The following LAMA1 variants were observed in gnomAD, a reference collection of about 807,000 sequenced individuals.
LAMA1 encodes laminin subunit alpha-1.
In LAMA1, 219 loss-of-function variants were observed where a neutral mutation model predicts 348.7. The observed-to-expected ratio is 0.63, with a 90% CI of 0.56 to 0.70. The LOEUF is 0.70. Ranked by LOEUF, LAMA1 falls within the 30% of genes least tolerant of loss-of-function variation. The pLI, the probability that LAMA1 is intolerant of heterozygous loss-of-function variation, is 0.00. For missense variants in LAMA1, 3,744 were observed against 3,888.0 expected, an observed-to-expected ratio of 0.96 and a Z score of 0.99; for synonymous variants, 1,487 against 1,491.0, an observed-to-expected ratio of 1.00 and a Z score of 0.06.
chr18:7,094,945 G>A (rs2058254459), intron 1 of LAMA1, among the ~76,000 whole-genome samples: 1 of 152,058 alleles, frequency 6.6e-6, no homozygotes, highest in African/African-American at 2.4e-5. Context: ...AATTGAAGAA[G>A]TTCTAAATGA....
chr18:6,985,497 G>A lies in LAMA1; in HGVS notation c.5496+30C>T, dbSNP rs368214685. On this transcript the variant is annotated intron_variant, in intron 38 of 62. Transcript: ENST00000389658. Reference sequence around the variant, plus strand: ...GATGTGTGAAGATTCTTTAAAAACTGTACTGTGGCTGTGCTGAGATGTAAT... The same window carrying A: ...GATGTGTGAAGATTCTTTAAAAACTATACTGTGGCTGTGCTGAGATGTAAT... The A allele has an allele frequency of 9.3e-6, 15 of 1,608,512 alleles. No individual in the cohort carries two copies. The African/African-American group carries it at 1.9e-4, about 20-fold the overall frequency.
At chr18:7,088,360 T>C (rs2058225982) in intron 1 of LAMA1, among the ~76,000 whole-genome samples, 2 of 152,100 alleles carry the variant, frequency 1.3e-5, no homozygotes, top group Admixed American at 1.3e-4. Context: ...AATCTTTTAA[T>C]TGTCACGTAA....
chr18:7,114,984 G>A (rs1354259292), intron 1 of LAMA1, among the ~76,000 whole-genome samples: 2 of 152,100 alleles, frequency 1.3e-5, no homozygotes, highest in Non-Finnish European at 2.9e-5. Flanking sequence ...TACAGATGTA[G>A]GCTTCATATT....
rs2057720276 is a variant in LAMA1 at position 6,983,239 on chromosome 18, CA to C, written c.5661-6del. ...TTTCTGATGTTTTCAAGGCCACTAT[CA>C]AAGCAGCATATTTAGATACGTTATG... On this transcript the variant is annotated splice_polypyrimidine_tract_variant and splice_region_variant and intron_variant, in intron 39 of 62. Transcript: ENST00000389658. 2 of 1,614,132 alleles carry C rather than the reference CA, an allele frequency of 1.2e-6. No homozygotes were observed. The highest frequency in any genetic ancestry group is 8.5e-7 in the Non-Finnish European group (1 of 1,180,008).
At chr18:6,972,177 C>T (rs2057661406) in intron 47 of LAMA1, 196 bp from the exon 48 acceptor site, 1 of 582,142 alleles carries the variant, frequency 1.7e-6, no homozygotes, top group African/African-American at 1.9e-5. Context: ...GAATGAGTAA[C>T]AACTGGGCAG....
chr18:6,961,298 A>G (rs2057605928), intron 53 of LAMA1, among the ~76,000 whole-genome samples: 1 of 152,240 alleles, frequency 6.6e-6, no homozygotes, highest in South Asian at 2.1e-4. Context: ...CATGGGGAAG[A>G]AAACTCCGTA....
intron 53 of LAMA1, among the ~76,000 whole-genome samples, chr18:6,960,989 G>C (rs930469788): frequency 1.3e-5 from 2 of 152,216 alleles, no homozygotes; most frequent in Non-Finnish European, 2.9e-5. Context: ...ACTTGATTAA[G>C]ACAGTGTGCT....
chr18:7,015,622 C>A, intron 22 of LAMA1, 100 bp downstream of exon 22: 48 of 1,260,076 alleles, frequency 3.8e-5, no homozygotes, highest in Non-Finnish European at 5.2e-5. Context: ...CAAAGCTATT[C>A]AACAGATTAA....
At chr18:7,044,940 C>T in intron 6 of LAMA1, 101 bp from the exon 7 acceptor site, 2 of 873,828 alleles carry the variant, frequency 2.3e-6, no homozygotes, top group Non-Finnish European at 3.9e-6. Context: ...GTGGCAAGAA[C>T]CTCACAACAG....
chr18:7,039,494 C>A (rs1031536366), intron 10 of LAMA1, among the ~76,000 whole-genome samples: 1 of 152,134 alleles, frequency 6.6e-6, no homozygotes, highest in African/African-American at 2.4e-5. Flanking sequence ...AGCATATCTG[C>A]GTTTAATTGG....
At chr18:7,015,929 A>T in intron 21 of LAMA1, 71 bp from the exon 22 acceptor site, 1 of 1,579,976 alleles carries the variant, frequency 6.3e-7, no homozygotes, top group East Asian at 2.2e-5. Context: ...TGATGCTGTT[A>T]TTTCCCTTTT....
chr18:6,951,769 G>T (rs911514182), intron 57 of LAMA1, among the ~76,000 whole-genome samples: 1 of 152,208 alleles, frequency 6.6e-6, no homozygotes, highest in Non-Finnish European at 1.5e-5. Context: ...TTCAGGAAAC[G>T]TTCTGGAGGA....
intron 17 of LAMA1, 45 bp from the exon 18 acceptor site, chr18:7,024,511 C>T (rs767148952): frequency 6.9e-7 from 1 of 1,454,526 alleles, no homozygotes; most frequent in East Asian, 2.3e-5. Context: ...ATGGATGAAG[C>T]CGAATTTCTA....
chr18:7,015,824 G>A lies in LAMA1; in HGVS notation c.3024C>T (p.Asp1008=), dbSNP rs780687418. 11 of 1,614,014 alleles carry A rather than the reference G, an allele frequency of 6.8e-6. No individual in the cohort carries two copies. Among genetic ancestry groups the A allele is most frequent in the South Asian group, 1.1e-5 (1 of 91,084 alleles). The change falls in exon 22 of 63, where the codon GAC becomes GAT. Residue 1008 remains aspartate, a synonymous_variant. Transcript: ENST00000389658. ...CDCPHTQNTC[D]PETGECVCPP... ...GGCAGACACACTCTCCAGTTTCTGG[G>A]TCGCAGGTATTCTGAGTGTGTGGGC...
At chr18:6,993,538 A>T in intron 35 of LAMA1, 103 bp downstream of exon 35, 1 of 906,826 alleles carries the variant, frequency 1.1e-6, no homozygotes, top group Non-Finnish European at 1.9e-6. Flanking sequence ...GGTTCCGGAA[A>T]CCCGATGCAA....
intron 3 of LAMA1, among the ~76,000 whole-genome samples, chr18:7,070,485 A>G (rs1414857319): frequency 6.6e-6 from 1 of 152,176 alleles, no homozygotes; most frequent in African/African-American, 2.4e-5. Context: ...TGCTTAATAA[A>G]TACTTTATAT....
At chr18:6,988,821 A>AAAAAAAAAAAAAAAAAAAC (rs2057746728) in intron 36 of LAMA1, among the ~76,000 whole-genome samples, 1 of 151,712 alleles carries the variant, frequency 6.6e-6, no homozygotes, top group Admixed American at 6.6e-5. Context: ...AAAAAAAAAA[A>AAAAAAAAAAAAAAAAAAAC]AAAAAAAAAT....
intron 22 of LAMA1, among the ~76,000 whole-genome samples, chr18:7,015,132 G>A (rs940615263): frequency 2.0e-5 from 3 of 152,210 alleles, no homozygotes; most frequent in Admixed American, 1.3e-4. Context: ...ACAGGCGTGA[G>A]CCACCGCACC....
At chr18:6,964,199 T>A (rs2057621959) in intron 51 of LAMA1, 1 of 189,838 alleles carries the variant, frequency 5.3e-6, no homozygotes, top group South Asian at 1.1e-4. Flanking sequence ...ACTTCTCAAA[T>A]CACATGGCAT....
Sources: allele counts gnomAD v4.1 joint callset (sites outside exome capture counted in the v4.1 genomes callset), GRCh38; gene constraint gnomAD v4.1.1; transcripts MANE v1.5; gene names NCBI Gene and HGNC (gene_info 2026-07-23, HGNC 2026-07-21).